The following OSBPL3 variants were observed in gnomAD, a reference collection of about 807,000 sequenced individuals.
OSBPL3 encodes oxysterol-binding protein-related protein 3.
A neutral mutation model predicts 120.1 loss-of-function variants in OSBPL3; 65 were observed. The ratio of observed to expected loss-of-function variants is 0.54; its 90% CI spans 0.44 to 0.67. The LOEUF is 0.67. Among genes scored for constraint, OSBPL3 ranks in the 30% least tolerant of loss-of-function variants. The pLI, the probability that OSBPL3 is intolerant of heterozygous loss-of-function variation, is 0.00. For missense variants in OSBPL3, 1,004 were observed against 1,082.1 expected (o/e 0.93, Z 1.01); for synonymous variants, 416 against 402.6 (o/e 1.03, Z -0.40).
At chr7:24,810,792 G>A (rs749425667) in intron 19 of OSBPL3, among the ~76,000 whole-genome samples, 1 of 152,172 alleles carries the variant, frequency 6.6e-6, no homozygotes, top group Admixed American at 6.5e-5. Flanking sequence ...TGTAGCATCT[G>A]TCTGTGTCTG....
At chr7:24,980,791 G>A (rs1818254641), upstream of OSBPL3, among the ~76,000 whole-genome samples, 1 of 152,058 alleles carries the variant, frequency 6.6e-6, no homozygotes, top group Non-Finnish European at 1.5e-5. Context: ...GATTCGTGCC[G>A]GGGTGATTTT....
chr7:24,897,037 A>G (rs1806234781), intron 1 of OSBPL3, among the ~76,000 whole-genome samples: 1 of 150,512 alleles, frequency 6.6e-6, no homozygotes, highest in South Asian at 2.1e-4. Context: ...GCACCACTGC[A>G]CTCCAGCATG....
rs951424595 is a variant in OSBPL3, at chr7:24,815,569, T to C, written c.2028-366A>G. On this transcript the variant is annotated intron_variant, in intron 18 of 22. Coordinates refer to ENST00000313367, the MANE Select transcript of OSBPL3 (RefSeq NM_015550.4). The surrounding 1 kb of genome is among the most constrained non-coding windows in gnomAD (Gnocchi z 5.1). ...AGGAAAGGGAAGCTTGAGAAAGGGA[T>C]GAAGGTTTTATACAATCTGCTAAAC... Among the ~76,000 whole-genome samples, 3 of 152,198 alleles carry C rather than the reference T, an allele frequency of 2.0e-5. No individual in the cohort carries two copies. The highest frequency in any genetic ancestry group is 7.2e-5 in the African/African-American group (3 of 41,444).
In OSBPL3 at chr7:24,815,200, A is replaced by C. The variant is rs1176015936; in HGVS notation, c.2031T>G (p.Phe677Leu). The part of the protein sequence containing the change: ...IGTTHVTLPV[F>L]GDHFEWNKVT... Reference sequence around the variant, plus strand: ...CTTTGTTCCACTCAAAATGATCCCCAAAACTAAAAAGAAGGAAAAAGTAGA... The same window carrying C: ...CTTTGTTCCACTCAAAATGATCCCCCAAACTAAAAAGAAGGAAAAAGTAGA... The change falls in exon 19 of 23, where the codon TTT becomes TTG. Residue 677 changes from phenylalanine to leucine, a missense_variant. Phe to Leu is a conservative substitution (Grantham distance 22). This residue lies in a region of OSBPL3 where 473 missense variants were observed against 568.0 expected (regional missense o/e 0.83). Coordinates refer to ENST00000313367, the MANE Select transcript of OSBPL3 (RefSeq NM_015550.4). The surrounding 1 kb of genome is among the most constrained non-coding windows in gnomAD (Gnocchi z 5.1). The C allele has an allele frequency of 6.2e-7, 1 of 1,611,910 alleles. No homozygotes were observed. Among genetic ancestry groups the C allele is most frequent in the East Asian group, 2.2e-5 (1 of 44,888 alleles).
chr7:24,832,530 AAG>A (rs1554352149), intron 15 of OSBPL3, among the ~76,000 whole-genome samples: 99 of 150,214 alleles, frequency 6.6e-4, no homozygotes, highest in African/African-American at 1.1e-3. Flanking sequence ...AAAAAAAAAA[AAG>A]AAGAAGAAAA....
intron 1 of OSBPL3, among the ~76,000 whole-genome samples, chr7:24,903,574 C>T (rs1807386774): frequency 6.6e-6 from 1 of 152,232 alleles, no homozygotes; most frequent in Non-Finnish European, 1.5e-5. Context: ...CTACCTTGTT[C>T]ACAAGGGTAT....
chr7:24,972,292 G>T lies in OSBPL3; in HGVS notation c.-150+7594C>A, dbSNP rs532353863. ...ACATGGCCTCCAGCAATGGCAGAAA[G>T]ACACAAAAGGGCAGGACTCTGCTCA... On this transcript the variant is annotated intron_variant, in intron 1 of 22. Coordinates refer to ENST00000313367, the MANE Select transcript of OSBPL3 (RefSeq NM_015550.4). The surrounding 1 kb of genome is among the most constrained non-coding windows in gnomAD (Gnocchi z 4.3). 1.1e-4 allele frequency among the ~76,000 whole-genome samples: 17 copies of T among 152,288 alleles called. No individual in the cohort carries two copies. Among genetic ancestry groups the T allele is most frequent in the African/African-American group, 3.6e-4 (15 of 41,556 alleles).
chr7:24,816,607 T>A lies in OSBPL3; in HGVS notation c.2027+3A>T. ...GCTCCTTAACCACAGAAGAAGAACT[T>A]ACACTGGCAGAGTCACATGGGTTGT... is the stretch of plus-strand genomic sequence containing the variant. On this transcript the variant is annotated splice_donor_region_variant and intron_variant, in intron 18 of 22. Coordinates refer to ENST00000313367, the MANE Select transcript of OSBPL3 (RefSeq NM_015550.4). 1 of 1,606,752 alleles carries A rather than the reference T, an allele frequency of 6.2e-7. No homozygotes were observed. Among genetic ancestry groups the A allele is most frequent in the Non-Finnish European group, 8.5e-7 (1 of 1,173,348 alleles).
chr7:24,901,142 C>A (rs1562904541), intron 1 of OSBPL3, among the ~76,000 whole-genome samples: 1 of 151,956 alleles, frequency 6.6e-6, no homozygotes, highest in Non-Finnish European at 1.5e-5. Context: ...GCCTGGCCAA[C>A]ATAGAGAAAC....
intron 1 of OSBPL3, among the ~76,000 whole-genome samples, chr7:24,942,887 C>T (rs1238944104): frequency 6.6e-6 from 1 of 152,176 alleles, no homozygotes; most frequent in Non-Finnish European, 1.5e-5. Flanking sequence ...AGCCCAAAAC[C>T]TGTCACTGTA....
chr7:24,969,543 T>G (rs764540880), intron 1 of OSBPL3, among the ~76,000 whole-genome samples: 1 of 152,206 alleles, frequency 6.6e-6, no homozygotes, highest in South Asian at 2.1e-4. Flanking sequence ...TTTTTCATCT[T>G]ATTATTAAAA....
chr7:24,829,390 G>C (rs1186341069), intron 16 of OSBPL3, among the ~76,000 whole-genome samples: 1 of 152,146 alleles, frequency 6.6e-6, no homozygotes. Flanking sequence ...GCTACTGACA[G>C]TGTGCTTTGG....
Position 24,809,859 on chromosome 7 carries a change from A to G in OSBPL3, c.2265T>C (p.His755=), listed in dbSNP as rs750840143. 1.7e-5 allele frequency: 27 copies of G among 1,614,048 alleles called. No individual in the cohort carries two copies. The highest frequency in any genetic ancestry group is 2.2e-5 in the Non-Finnish European group (26 of 1,180,026). ...AGCCGCCGCCACAGTAGATGCTTTC[A>G]TGCCATTTCCCAAACAGCCGATGAA... is the stretch of plus-strand genomic sequence containing the variant. The part of the protein sequence containing the change: ...KAVHRLFGKW[H]ESIYCGGGSS... The change falls in exon 20 of 23, where the codon CAT becomes CAC. Residue 755 remains histidine (H), a synonymous_variant. Transcript: ENST00000313367.
intron 14 of OSBPL3, 122 bp downstream of exon 14, chr7:24,840,568 A>T (rs370203371): frequency 3.4e-5 from 16 of 475,418 alleles, no homozygotes; most frequent in East Asian, 2.8e-4. Context: ...TTATACATGG[A>T]TTTTCATCTG....
chr7:24,912,952 G>A lies in OSBPL3; in HGVS notation c.-149-20331C>T, dbSNP rs555040270. Among the ~76,000 whole-genome samples the A allele has an allele frequency of 3.9e-5, 6 of 152,310 alleles. No homozygotes were observed. Among genetic ancestry groups the A allele is most frequent in the Non-Finnish European group, 7.3e-5 (5 of 68,034 alleles). On this transcript the variant is annotated intron_variant, in intron 1 of 22. Transcript: ENST00000313367. The surrounding 1 kb of genome is among the most constrained non-coding windows in gnomAD (Gnocchi z 4.5). ...GCTTGCCCTTCAACTCAGCCACCAC[G>A]ATGTGAGTAAGCTCAAGCTAGCCAA...
At chr7:24,975,118 C>T in intron 1 of OSBPL3, among the ~76,000 whole-genome samples, 1 of 152,114 alleles carries the variant, frequency 6.6e-6, no homozygotes, top group East Asian at 1.9e-4. Flanking sequence ...AAAATATTCA[C>T]AAAAATTCCA....
intron 12 of OSBPL3, among the ~76,000 whole-genome samples, chr7:24,848,249 C>T (rs1798683454): frequency 6.6e-6 from 1 of 152,186 alleles, no homozygotes; most frequent in African/African-American, 2.4e-5. Context: ...TTAAACATTA[C>T]AAACTTCTTT....
At position 24,940,648 on chromosome 7, in the gene OSBPL3, C is replaced by G. The variant is rs1309455643; in HGVS notation, c.-150+39238G>C. On this transcript the variant is annotated intron_variant, in intron 1 of 22. Transcript: ENST00000313367. This position sits in a 1 kb window ranked among gnomAD's most constrained non-coding sequence, Gnocchi z 4.4. ...GGCGGCTGAGGTGGTATGGGAGGTA[C>G]CTAAAACCAAGGAGATGAGGAACGG... Among the ~76,000 whole-genome samples, 1 of 151,988 alleles carries G rather than the reference C, an allele frequency of 6.6e-6. No homozygotes were observed. The highest frequency in any genetic ancestry group is 2.4e-5 in the African/African-American group (1 of 41,436).
chr7:24,866,374 A>G (rs1584434256), intron 5 of OSBPL3, 137 bp from the exon 6 acceptor site: 2 of 699,900 alleles, frequency 2.9e-6, no homozygotes, highest in South Asian at 3.3e-5. Flanking sequence ...GCAGTGGCTG[A>G]TGCCTGTAAT....
Sources: allele counts gnomAD v4.1 joint callset (sites outside exome capture counted in the v4.1 genomes callset), GRCh38; gene constraint gnomAD v4.1.1; regional missense constraint gnomAD v4.1.1; non-coding constraint Gnocchi (gnomAD v3.1); transcripts MANE v1.5; gene names NCBI Gene and HGNC (gene_info 2026-07-23, HGNC 2026-07-21).